Variants in GRM7 observed in about 807,000 individuals in gnomAD.
GRM7 encodes metabotropic glutamate receptor 7.
Under a neutral mutation model 84.5 loss-of-function variants are expected in GRM7, and 35 were observed. The ratio of observed to expected loss-of-function variants is 0.41; its 90% CI spans 0.32 to 0.55. GRM7 has a LOEUF of 0.55. Among genes scored for constraint, GRM7 ranks in the 20% least tolerant of loss-of-function variants. GRM7 has a pLI of 0.19. For synonymous variants in GRM7, 487 were observed against 455.1 expected (o/e 1.07, Z -0.89); for missense variants, 1,003 against 1,194.6 (o/e 0.84, Z 2.36).
chr3:7,467,663 C>A (rs1371695232), intron 7 of GRM7, among the ~76,000 whole-genome samples: 1 of 152,124 alleles, frequency 6.6e-6, no homozygotes, highest in African/African-American at 2.4e-5. Context: ...AAAACTAGAT[C>A]TAGGTCATAT....
intron 2 of GRM7, among the ~76,000 whole-genome samples, chr3:7,278,798 A>G (rs1249048007): frequency 1.3e-5 from 2 of 152,214 alleles, no homozygotes; most frequent in African/African-American, 2.4e-5. Context: ...ACTGCTTGGA[A>G]TACAGAGACT....
chr3:7,509,090 T>C (rs1700119526), intron 7 of GRM7, among the ~76,000 whole-genome samples: 1 of 152,156 alleles, frequency 6.6e-6, no homozygotes, highest in Admixed American at 6.6e-5. Context: ...ATGTGAATCA[T>C]TCCTTTGTCC....
At chr3:7,697,254 G>C (rs1226337476) in intron 9 of GRM7, among the ~76,000 whole-genome samples, 1 of 152,116 alleles carries the variant, frequency 6.6e-6, no homozygotes, top group Non-Finnish European at 1.5e-5. Context: ...ATTAACTATT[G>C]TAATCAACTT....
chr3:7,574,442 G>A (rs1694859629), intron 7 of GRM7, among the ~76,000 whole-genome samples: 2 of 152,232 alleles, frequency 1.3e-5, no homozygotes, highest in Admixed American at 6.5e-5. Flanking sequence ...ACAGGCGTGA[G>A]CCACTGTGCC....
chr3:7,596,173 A>G (rs1696032666), intron 8 of GRM7, among the ~76,000 whole-genome samples: 1 of 152,152 alleles, frequency 6.6e-6, no homozygotes, highest in Non-Finnish European at 1.5e-5. Context: ...ATAAGGTACA[A>G]ACAAAAGGGA....
At chr3:7,325,741 A>G (rs1423568290) in intron 4 of GRM7, among the ~76,000 whole-genome samples, 2 of 152,290 alleles carry the variant, frequency 1.3e-5, no homozygotes, top group Admixed American at 6.5e-5. Context: ...ATCTCTATAT[A>G]TTGAGTCTTT....
intron 1 of GRM7, among the ~76,000 whole-genome samples, chr3:7,081,813 G>A (rs1232003230): frequency 1.3e-5 from 2 of 152,072 alleles, no homozygotes; most frequent in Non-Finnish European, 2.9e-5. Context: ...TTTGAGTGGT[G>A]TGGATAGAAA....
chr3:7,570,979 T>C (rs551887712), intron 7 of GRM7, among the ~76,000 whole-genome samples: 3 of 152,314 alleles, frequency 2.0e-5, no homozygotes, highest in Admixed American at 6.5e-5. Flanking sequence ...TTGTACCCTC[T>C]GAAGCCATGG....
chr3:7,546,880 G>A (rs1490375814), intron 7 of GRM7, among the ~76,000 whole-genome samples: 3 of 152,284 alleles, frequency 2.0e-5, no homozygotes, highest in Admixed American at 6.5e-5. Context: ...TGTAAATGCC[G>A]ATGTTAGAGT....
Position 6,962,190 on chromosome 3 carries a change from A to G in GRM7, c.519+100283A>G, listed in dbSNP as rs1032480349. Reference sequence around the variant, plus strand: ...GTATTGTACTTGTTTGTCTACTCCCACCTAAATTTAGGAAACGTGAAGACT... The same window carrying G: ...GTATTGTACTTGTTTGTCTACTCCCGCCTAAATTTAGGAAACGTGAAGACT... On this transcript the variant is annotated intron_variant, in intron 1 of 9. Coordinates refer to ENST00000357716, the MANE Select transcript of GRM7 (RefSeq NM_000844.4). Among the ~76,000 whole-genome samples, 6 of 152,140 alleles carry G rather than the reference A, an allele frequency of 3.9e-5. No homozygotes were observed. The East Asian group carries it at 1.2e-3, about 29-fold the overall frequency.
intron 4 of GRM7, among the ~76,000 whole-genome samples, chr3:7,394,253 TAA>T (rs1287152297): frequency 6.6e-6 from 1 of 152,200 alleles, no homozygotes; most frequent in Non-Finnish European, 1.5e-5. Flanking sequence ...GGTTCTGCTA[TAA>T]ATCCACCTAC....
intron 8 of GRM7, among the ~76,000 whole-genome samples, chr3:7,651,112 T>C (rs1170288750): frequency 1.3e-5 from 2 of 152,210 alleles, no homozygotes. Flanking sequence ...CTTCTCCTGA[T>C]AACTGACAGG....
intron 1 of GRM7, among the ~76,000 whole-genome samples, chr3:7,111,021 C>A (rs990123066): frequency 3.9e-5 from 6 of 152,018 alleles, no homozygotes; most frequent in African/African-American, 1.4e-4. Context: ...AGGGAAAGAG[C>A]TGTGTTTCAA....
At chr3:7,650,513 A>G (rs1307558459) in intron 8 of GRM7, among the ~76,000 whole-genome samples, 1 of 152,208 alleles carries the variant, frequency 6.6e-6, no homozygotes, top group Non-Finnish European at 1.5e-5. Flanking sequence ...AGGTAAAAAA[A>G]GTGTTGTTTT....
At chr3:7,096,065 G>A (rs931247595) in intron 1 of GRM7, among the ~76,000 whole-genome samples, 1 of 152,118 alleles carries the variant, frequency 6.6e-6, no homozygotes, top group African/African-American at 2.4e-5. Context: ...ATTGTTTTAT[G>A]TATATATTTC....
At chr3:7,602,110 GTTTGTTAAACAAACACTTATC>G (rs1696346246) in intron 8 of GRM7, among the ~76,000 whole-genome samples, 1 of 141,292 alleles carries the variant, frequency 7.1e-6, no homozygotes, top group African/African-American at 2.6e-5. Context: ...AAGGCATTCT[GTTTGTTAAACAAACACTTATC>G]TTTGGAAAAC....
At chr3:7,432,578 T>C (rs1309663050) in intron 5 of GRM7, among the ~76,000 whole-genome samples, 1 of 151,136 alleles carries the variant, frequency 6.6e-6, no homozygotes, top group African/African-American at 2.4e-5. Flanking sequence ...CGCCTGTGCC[T>C]CCCAAAGTGC....
intron 1 of GRM7, among the ~76,000 whole-genome samples, chr3:6,982,016 T>C (rs951860155): frequency 6.6e-6 from 1 of 152,094 alleles, no homozygotes; most frequent in African/African-American, 2.4e-5. Flanking sequence ...CCCAGCACTA[T>C]TCACAATAGC....
At chr3:7,255,099 T>C (rs530580892) in intron 2 of GRM7, among the ~76,000 whole-genome samples, 1 of 152,338 alleles carries the variant, frequency 6.6e-6, no homozygotes, top group African/African-American at 2.4e-5. Flanking sequence ...TTTTGTTCTT[T>C]ATACAGGATC....
Sources: allele counts gnomAD v4.1 joint callset (sites outside exome capture counted in the v4.1 genomes callset), GRCh38; gene constraint gnomAD v4.1.1; transcripts MANE v1.5; gene names NCBI Gene and HGNC (gene_info 2026-07-23, HGNC 2026-07-21).